The following ANTXR1 variants were observed in gnomAD, a reference collection of about 807,000 sequenced individuals.
ANTXR1 encodes ANTXR cell adhesion molecule 1.
ANTXR1 carries 19 observed loss-of-function variants against 78.1 expected under a neutral mutation model. The ratio of observed to expected loss-of-function variants is 0.24; its 90% CI spans 0.17 to 0.36. ANTXR1 has a LOEUF of 0.36. Among genes scored for constraint, ANTXR1 ranks in the 10% least tolerant of loss-of-function variants. The pLI is 1.00. For missense variants in ANTXR1, 518 were observed against 718.6 expected (o/e 0.72, Z 3.19); for synonymous variants, 273 against 260.5 (o/e 1.05, Z -0.46).
At position 69,124,552 on chromosome 2, in the gene ANTXR1, G is replaced by T. The variant is rs771800638; in HGVS notation, c.873-13G>T. 7 of 1,613,692 alleles carry T rather than the reference G, an allele frequency of 4.3e-6. No individual in the cohort carries two copies. Among genetic ancestry groups the T allele is most frequent in the Non-Finnish European group, 5.9e-6 (7 of 1,179,608 alleles). ...GCCCTGCTGAGAGTCTGCTTCCCTT[G>T]TTGTCATTGCAGGAAAGCTGCACTC... On this transcript the variant is annotated splice_polypyrimidine_tract_variant and intron_variant, in intron 11 of 17. Coordinates refer to ENST00000303714, the MANE Select transcript of ANTXR1 (RefSeq NM_032208.3).
intron 17 of ANTXR1, among the ~76,000 whole-genome samples, chr2:69,237,344 GT>G (rs1002532955): frequency 1.3e-5 from 2 of 152,230 alleles, no homozygotes; most frequent in African/African-American, 2.4e-5. Flanking sequence ...GGCAGGGCAA[GT>G]TTTAAGTGGA....
At chr2:69,145,967 C>A in intron 12 of ANTXR1, 1 of 985,466 alleles carries the variant, frequency 1.0e-6, no homozygotes, top group Non-Finnish European at 1.2e-6. Context: ...AGTGCCTTCT[C>A]GTCTTAAAAG....
intron 12 of ANTXR1, among the ~76,000 whole-genome samples, chr2:69,134,426 A>C (rs765264734): frequency 4.1e-4 from 63 of 152,200 alleles, no homozygotes; most frequent in Non-Finnish European, 6.9e-4. Context: ...GTTTTTAAAA[A>C]GGCCTTTTTA....
chr2:69,097,257 T>A (rs1451499615), intron 9 of ANTXR1, among the ~76,000 whole-genome samples: 2 of 152,136 alleles, frequency 1.3e-5, no homozygotes, highest in African/African-American at 4.8e-5. Context: ...TGGAATCAAG[T>A]GTGCAACTTG....
In ANTXR1 at chr2:69,246,409, A is replaced by G. The variant is rs1429081403; in HGVS notation, c.*924A>G. The G allele has an allele frequency of 6.6e-6, 1 of 152,236 alleles. No individual in the cohort carries two copies. The highest frequency in any genetic ancestry group is 1.9e-4 in the East Asian group (1 of 5,204). The allele number at this position is 152,236 out of a possible 1,614,324, so 9.4% of individuals were successfully genotyped here. A position where few individuals can be genotyped will look rare whatever the true frequency, so the allele number is the denominator to read the frequency against. Reference sequence around the variant, plus strand: ...TTTATCCTGTTTTCCAGAGATAAACATAAGTTGATCTTCCCAAAATACCAT... The same window carrying G: ...TTTATCCTGTTTTCCAGAGATAAACGTAAGTTGATCTTCCCAAAATACCAT... On this transcript the variant is annotated 3_prime_UTR_variant, in exon 18 of 18. Transcript: ENST00000303714.
At chr2:69,031,960 A>T (rs182111484) in intron 1 of ANTXR1, among the ~76,000 whole-genome samples, 70 of 152,318 alleles carry the variant, frequency 4.6e-4, no homozygotes, top group Non-Finnish European at 9.3e-4. Context: ...GCAGTTGCTA[A>T]AGAGAAAAGC....
chr2:69,149,630 A>T (rs1462536892), intron 12 of ANTXR1, among the ~76,000 whole-genome samples: 2 of 152,216 alleles, frequency 1.3e-5, no homozygotes, highest in South Asian at 2.1e-4. Flanking sequence ...ATTATTCCAA[A>T]TGCACATAGA....
At chr2:69,241,260 G>A (rs112594810) in intron 17 of ANTXR1, among the ~76,000 whole-genome samples, 20 of 152,082 alleles carry the variant, frequency 1.3e-4, no homozygotes, top group African/African-American at 4.3e-4. Flanking sequence ...CCTACATGAC[G>A]GTGAGAACAT....
rs1001370599 is a variant in ANTXR1, at chr2:69,112,274, G to A, written c.802+9334G>A. 2.0e-5 allele frequency among the ~76,000 whole-genome samples: 3 copies of A among 152,220 alleles called. No homozygotes were observed. The East Asian group carries it at 5.8e-4, about 29-fold the overall frequency. ...CAGCCCAAAGAGGGAGGAGTTATTT[G>A]AATCCCCATTTTGCTGATGAACTCA... On this transcript the variant is annotated intron_variant, in intron 10 of 17. Transcript: ENST00000303714.
intron 16 of ANTXR1, 25 bp downstream of exon 16, chr2:69,182,685 T>G (rs1402484219): frequency 6.2e-7 from 1 of 1,614,088 alleles, no homozygotes; most frequent in Non-Finnish European, 8.5e-7. Context: ...TCAAAAAATC[T>G]ATCATCAGTC....
At chr2:69,040,934 C>A (rs1221766975) in intron 2 of ANTXR1, among the ~76,000 whole-genome samples, 1 of 152,186 alleles carries the variant, frequency 6.6e-6, no homozygotes, top group East Asian at 1.9e-4. Flanking sequence ...GTAAGGTTCT[C>A]TGTCTCAGAA....
chr2:69,043,387 T>G (rs943205891), intron 2 of ANTXR1, among the ~76,000 whole-genome samples: 2 of 152,184 alleles, frequency 1.3e-5, no homozygotes, highest in African/African-American at 4.8e-5. Flanking sequence ...ATCTCACACA[T>G]GGTAAGAACT....
intron 1 of ANTXR1, among the ~76,000 whole-genome samples, chr2:69,031,087 C>T (rs536613170): frequency 6.3e-4 from 96 of 152,310 alleles, no homozygotes; most frequent in African/African-American, 2.3e-3. Flanking sequence ...ACGGAGACCA[C>T]ATGGCCCCCA....
chr2:69,152,099 G>T, intron 12 of ANTXR1, 70 bp from the exon 13 acceptor site: 1 of 1,433,288 alleles, frequency 7.0e-7, no homozygotes, highest in South Asian at 1.1e-5. Context: ...TATCAGTGAT[G>T]GGAGTTTGGG....
At chr2:69,116,181 C>T (rs758636855) in intron 10 of ANTXR1, among the ~76,000 whole-genome samples, 3 of 152,216 alleles carry the variant, frequency 2.0e-5, no homozygotes, top group Non-Finnish European at 4.4e-5. Flanking sequence ...CAGGGCCTGA[C>T]ACATAGTACA....
chr2:69,182,942 G>C (rs1165987639), intron 16 of ANTXR1: 2 of 434,928 alleles, frequency 4.6e-6, no homozygotes, highest in East Asian at 4.4e-5. Context: ...ATGACCCCTG[G>C]GCAAGGATGA....
At chr2:69,243,926 C>T (rs1445850010) in intron 17 of ANTXR1, among the ~76,000 whole-genome samples, 1 of 152,186 alleles carries the variant, frequency 6.6e-6, no homozygotes, top group African/African-American at 2.4e-5. Context: ...CAATAAGATA[C>T]CCCACAGGCA....
At chr2:69,103,204 AGAGCCAC>A (rs1671684295) in intron 10 of ANTXR1, 2 of 489,968 alleles carry the variant, frequency 4.1e-6, no homozygotes, top group Admixed American at 3.2e-5. Flanking sequence ...CACAAAACAC[AGAGCCAC>A]AAGCCCCAGC....
chr2:69,024,612 TCTC>T (rs1671289153), intron 1 of ANTXR1, among the ~76,000 whole-genome samples: 1 of 152,086 alleles, frequency 6.6e-6, no homozygotes, highest in South Asian at 2.1e-4. Context: ...CCTGAAATCA[TCTC>T]CTCCTCAATT....
Sources: gnomAD v4.1 joint callset for allele counts (sites outside exome capture counted in the v4.1 genomes callset) on GRCh38, gnomAD v4.1.1 for gene constraint, MANE v1.5 for transcripts, NCBI Gene and HGNC (gene_info 2026-07-23, HGNC 2026-07-21) for gene names.